INPP4B: variants seen among roughly 807,000 people sequenced by gnomAD.
INPP4B encodes inositol polyphosphate 4-phosphatase type II.
In INPP4B, 55 loss-of-function variants were observed where a neutral mutation model predicts 122.5. The observed-to-expected ratio is 0.45, with a 90% CI of 0.36 to 0.56. The LOEUF (loss-of-function observed/expected upper bound fraction) is 0.56, where lower values mean the gene tolerates loss of function less well. Ranked by LOEUF, INPP4B falls within the 20% of genes least tolerant of loss-of-function variation. INPP4B has a pLI of 0.00. For missense variants in INPP4B, 1,000 were observed against 1,097.7 expected (o/e 0.91, Z 1.26); for synonymous variants, 403 against 388.7 (o/e 1.04, Z -0.43).
intron 3 of INPP4B, among the ~76,000 whole-genome samples, chr4:142,437,943 A>G (rs1810886481): frequency 6.6e-6 from 1 of 152,190 alleles, no homozygotes; most frequent in Non-Finnish European, 1.5e-5. Flanking sequence ...ATTCTACCAG[A>G]GGTACAAAGA....
At chr4:142,839,229 G>C (rs146490546) in intron 1 of INPP4B, among the ~76,000 whole-genome samples, 17 of 152,254 alleles carry the variant, frequency 1.1e-4, no homozygotes, top group African/African-American at 4.1e-4. Context: ...AGGCTAAGGC[G>C]GGTGGATAAC....
intron 1 of INPP4B, among the ~76,000 whole-genome samples, chr4:142,753,680 C>T (rs546990926): frequency 2.0e-5 from 3 of 152,150 alleles, no homozygotes; most frequent in African/African-American, 4.8e-5. Flanking sequence ...GTTGAAATCT[C>T]ACCTATAGTA....
intron 2 of INPP4B, among the ~76,000 whole-genome samples, chr4:142,629,349 T>C (rs1212691140): frequency 6.6e-6 from 1 of 152,068 alleles, no homozygotes; most frequent in Non-Finnish European, 1.5e-5. Flanking sequence ...AGATAAGAAA[T>C]GGCAACTAAA....
intron 10 of INPP4B, among the ~76,000 whole-genome samples, chr4:142,261,137 C>T (rs1015530323): frequency 1.3e-5 from 2 of 152,124 alleles, no homozygotes; most frequent in Non-Finnish European, 2.9e-5. Flanking sequence ...ACAGTACTGT[C>T]AATTTCTCAA....
chr4:142,264,386 T>C (rs944660199), intron 10 of INPP4B, among the ~76,000 whole-genome samples: 1 of 152,160 alleles, frequency 6.6e-6, no homozygotes, highest in African/African-American at 2.4e-5. Flanking sequence ...GTGACTCCAA[T>C]AAAAGAAAAA....
At chr4:142,662,760 T>C (rs909544430) in intron 2 of INPP4B, among the ~76,000 whole-genome samples, 26 of 152,150 alleles carry the variant, frequency 1.7e-4, no homozygotes, top group Admixed American at 1.2e-3. Flanking sequence ...AAGTAAGAAA[T>C]TAAAAATTTG....
rs149446379 is a variant in INPP4B, at chr4:142,574,723, C to T, written c.-190-111997G>A. 3.3e-3 allele frequency among the ~76,000 whole-genome samples: 497 copies of T among 152,220 alleles called. 6 individuals carry two copies. The highest frequency in any genetic ancestry group is 0.018 in the East Asian group (91 of 5,158). On this transcript the variant is annotated intron_variant, in intron 2 of 25. Transcript: ENST00000262992. Reference sequence around the variant, plus strand: ...TTAGTAAGAATTCAGCAAGTTTTCTCATATCGCCATAATAACTAGTGCATG... The same window carrying T: ...TTAGTAAGAATTCAGCAAGTTTTCTTATATCGCCATAATAACTAGTGCATG...
intron 12 of INPP4B, among the ~76,000 whole-genome samples, chr4:142,237,481 T>C (rs28705116): frequency 0.14 from 21,191 of 152,066 alleles, 1,799 homozygotes; most frequent in African/African-American, 0.24. Context: ...TCCAAGTTAA[T>C]ATTTTGTTAT....
intron 1 of INPP4B, among the ~76,000 whole-genome samples, chr4:142,837,468 C>T (rs1488120746): frequency 3.9e-5 from 6 of 152,074 alleles, no homozygotes; most frequent in African/African-American, 1.4e-4. Context: ...GGGTAAGTCA[C>T]TTAACCTCTC....
chr4:142,224,146 T>C (rs1290615658), intron 12 of INPP4B, among the ~76,000 whole-genome samples: 1 of 152,150 alleles, frequency 6.6e-6, no homozygotes, highest in Non-Finnish European at 1.5e-5. Flanking sequence ...AGATATAAAA[T>C]CATGCCTACC....
At chr4:142,225,536 A>G (rs1186413633) in intron 12 of INPP4B, among the ~76,000 whole-genome samples, 1 of 148,778 alleles carries the variant, frequency 6.7e-6, no homozygotes, top group East Asian at 1.9e-4. Flanking sequence ...ATATATGTAT[A>G]AGTATATATA....
intron 7 of INPP4B, among the ~76,000 whole-genome samples, chr4:142,374,880 A>G (rs1791259556): frequency 1.3e-5 from 2 of 151,924 alleles, no homozygotes; most frequent in African/African-American, 4.8e-5. Context: ...ATACTGTAGA[A>G]GAAATTTTAT....
chr4:142,595,117 C>G (rs536713242), intron 2 of INPP4B, among the ~76,000 whole-genome samples: 3 of 151,706 alleles, frequency 2.0e-5, no homozygotes, highest in Non-Finnish European at 4.4e-5. Context: ...CATAAAATGC[C>G]TATTTACGTA....
At chr4:142,370,024 T>C (rs192528616) in intron 7 of INPP4B, among the ~76,000 whole-genome samples, 1 of 151,992 alleles carries the variant, frequency 6.6e-6, no homozygotes, top group African/African-American at 2.4e-5. Flanking sequence ...AACATACTGA[T>C]ATATCAATCG....
At chr4:142,814,109 A>G (rs903317107) in intron 1 of INPP4B, among the ~76,000 whole-genome samples, 5 of 152,204 alleles carry the variant, frequency 3.3e-5, no homozygotes, top group Non-Finnish European at 7.3e-5. Context: ...CATTTCCCCT[A>G]TCAGGGTGTT....
At chr4:142,075,672 G>A (rs1013952071) in intron 25 of INPP4B, among the ~76,000 whole-genome samples, 4 of 152,106 alleles carry the variant, frequency 2.6e-5, no homozygotes, top group South Asian at 2.1e-4. Context: ...TGGGGAGAGT[G>A]TAGAGAGCAA....
At chr4:142,087,626 C>T (rs336318) in intron 23 of INPP4B, among the ~76,000 whole-genome samples, 97,604 of 152,056 alleles carry the variant, frequency 0.64, 33,313 homozygotes, top group Non-Finnish European at 0.76. Flanking sequence ...ACTACGTTAC[C>T]GAGTTTCACT....
chr4:142,257,969 T>A (rs1054912490), intron 11 of INPP4B, among the ~76,000 whole-genome samples: 1 of 152,112 alleles, frequency 6.6e-6, no homozygotes, highest in Non-Finnish European at 1.5e-5. Context: ...AAGGCTACAG[T>A]AACCAAAACA....
chr4:142,354,287 C>T (rs1782886964), intron 7 of INPP4B, among the ~76,000 whole-genome samples: 1 of 151,990 alleles, frequency 6.6e-6, no homozygotes, highest in African/African-American at 2.4e-5. Flanking sequence ...TCAGTAGAAG[C>T]ACAGATCATC....
Sources: gnomAD v4.1 joint callset for allele counts (sites outside exome capture counted in the v4.1 genomes callset) on GRCh38, gnomAD v4.1.1 for gene constraint, MANE v1.5 for transcripts, NCBI Gene and HGNC (gene_info 2026-07-23, HGNC 2026-07-21) for gene names.